SLC16A7: variants seen among roughly 807,000 people sequenced by gnomAD.
SLC16A7 encodes the protein solute carrier family 16 member 7.
SLC16A7 carries 33 observed loss-of-function variants against 34.9 expected under a neutral mutation model. The observed-to-expected ratio is 0.94, with a 90% CI of 0.72 to 1.26. The LOEUF (loss-of-function observed/expected upper bound fraction) is 1.26, where lower values mean the gene tolerates loss of function less well. Ranked by LOEUF, SLC16A7 falls within the 50% of genes most tolerant of loss-of-function variation. The pLI, the probability that SLC16A7 is intolerant of heterozygous loss-of-function variation, is 0.00. For missense variants in SLC16A7, 573 were observed against 578.1 expected (o/e 0.99, Z 0.09); for synonymous variants, 201 against 206.6 (o/e 0.97, Z 0.23).
At chr12:59,612,920 A>C (rs1253051628) in intron 1 of SLC16A7, among the ~76,000 whole-genome samples, 1 of 152,136 alleles carries the variant, frequency 6.6e-6, no homozygotes, top group Non-Finnish European at 1.5e-5. Context: ...ACTTTCCTAC[A>C]TCTCCCTGTC....
intron 1 of SLC16A7, among the ~76,000 whole-genome samples, chr12:59,632,027 G>T (rs1880206726): frequency 6.6e-6 from 1 of 151,868 alleles, no homozygotes; most frequent in Non-Finnish European, 1.5e-5. Context: ...ATGAGAATTT[G>T]TTTGTCCTGA....
chr12:59,764,255 CCTAA>C (rs1442842711), intron 3 of SLC16A7, among the ~76,000 whole-genome samples: 13 of 152,098 alleles, frequency 8.5e-5, no homozygotes, highest in African/African-American at 1.4e-4. Context: ...AGAGCAGGGC[CCTAA>C]CTGTCTTCAA....
At chr12:59,719,392 G>T (rs747307042) in intron 3 of SLC16A7, among the ~76,000 whole-genome samples, 5 of 152,050 alleles carry the variant, frequency 3.3e-5, no homozygotes, top group Non-Finnish European at 7.4e-5. Flanking sequence ...TATTGGAATT[G>T]CAGTGGGAAA....
Position 59,697,738 on chromosome 12 carries a change from A to G in SLC16A7, c.-30-7034A>G, listed in dbSNP as rs554100653. 1.4e-3 allele frequency among the ~76,000 whole-genome samples: 211 copies of G among 151,886 alleles called. 1 individual carries two copies. The highest frequency in any genetic ancestry group is 6.8e-3 in the Middle Eastern group (2 of 294). Reference sequence around the variant, plus strand: ...TTAAAAAAAAAAAAAGTCTGCCTCAAACAAACATATATGGGCCTAACATTT... The same window carrying G: ...TTAAAAAAAAAAAAAGTCTGCCTCAGACAAACATATATGGGCCTAACATTT... On this transcript the variant is annotated intron_variant, in intron 2 of 5. Transcript: ENST00000547379.
intron 3 of SLC16A7, among the ~76,000 whole-genome samples, chr12:59,737,080 G>C (rs2137265605): frequency 6.6e-6 from 1 of 152,320 alleles, no homozygotes; most frequent in Non-Finnish European, 1.5e-5. Context: ...TCAAGACTCA[G>C]ATAACATCTG....
At chr12:59,709,562 C>G (rs1427822358) in intron 3 of SLC16A7, among the ~76,000 whole-genome samples, 1 of 151,514 alleles carries the variant, frequency 6.6e-6, no homozygotes, top group East Asian at 1.9e-4. Context: ...ATAATTCATG[C>G]TGTGCAATAT....
intron 2 of SLC16A7, among the ~76,000 whole-genome samples, chr12:59,701,057 A>C (rs1592527027): frequency 6.6e-6 from 1 of 151,806 alleles, no homozygotes; most frequent in African/African-American, 2.4e-5. Flanking sequence ...TAAATGTAAT[A>C]AAAGACATGT....
intron 1 of SLC16A7, among the ~76,000 whole-genome samples, chr12:59,627,850 T>C (rs1245935763): frequency 1.3e-5 from 2 of 151,118 alleles, no homozygotes; most frequent in East Asian, 3.9e-4. Flanking sequence ...TTACCAGCAG[T>C]CCTGTGTGAC....
intron 2 of SLC16A7, among the ~76,000 whole-genome samples, chr12:59,693,358 A>G (rs1156852414): frequency 2.0e-5 from 3 of 151,952 alleles, no homozygotes; most frequent in Non-Finnish European, 4.4e-5. Flanking sequence ...TAAATAAAGG[A>G]ACATTCTAAT....
chr12:59,752,568 A>G (rs1400865087), intron 3 of SLC16A7, among the ~76,000 whole-genome samples: 1 of 151,962 alleles, frequency 6.6e-6, no homozygotes, highest in Non-Finnish European at 1.5e-5. Context: ...AAGAATAAAA[A>G]GAAAGGAGCA....
At chr12:59,708,232 A>G (rs1460673095) in intron 3 of SLC16A7, among the ~76,000 whole-genome samples, 2 of 152,100 alleles carry the variant, frequency 1.3e-5, no homozygotes, top group Non-Finnish European at 2.9e-5. Context: ...TCTTTCTTCA[A>G]CTGTGGTCTA....
At chr12:59,601,228 C>G (rs1255314029) in intron 1 of SLC16A7, among the ~76,000 whole-genome samples, 4 of 152,072 alleles carry the variant, frequency 2.6e-5, no homozygotes, top group Non-Finnish European at 4.4e-5. Flanking sequence ...TAGTCAATAC[C>G]TCTAATCAGA....
rs1245184420 is a variant in SLC16A7 at position 59,783,456 on chromosome 12, TC to T, written c.*3781del. On this transcript the variant is annotated 3_prime_UTR_variant, in exon 6 of 6. Coordinates refer to ENST00000547379, the MANE Select transcript of SLC16A7 (RefSeq NM_001270623.2). ...ACTCAGGTTTACGTAACCAGAAAGA[TC>T]CCCGAGGTGTTCACTACCGTGCTGC... 2.0e-5 allele frequency: 3 copies of T among 151,950 alleles called. No individual in the cohort carries two copies. Among genetic ancestry groups the T allele is most frequent in the South Asian group, 2.1e-4 (1 of 4,818 alleles). The allele number at this position is 151,950 out of a possible 1,614,324, so 9.4% of individuals were successfully genotyped here.
chr12:59,628,624 A>G (rs998296461), intron 1 of SLC16A7, among the ~76,000 whole-genome samples: 2 of 151,658 alleles, frequency 1.3e-5, no homozygotes, highest in African/African-American at 2.4e-5. Context: ...GAGGGAAAAA[A>G]CACATCATAT....
Position 59,775,008 on chromosome 12 carries a change from A to C in SLC16A7, c.713A>C (p.Asp238Ala). 6.2e-7 allele frequency: 1 copy of C among 1,613,798 alleles called. No homozygotes were observed. The highest frequency in any genetic ancestry group is 8.5e-7 in the Non-Finnish European group (1 of 1,179,788). The change falls in exon 5 of 6, where the codon GAT (aspartate) becomes GCT (alanine). Residue 238 changes from aspartate (D) to alanine (A), a missense_variant. Physicochemically the swap from Asp to Ala is moderately radical, Grantham distance 126 (BLOSUM62 -2). Coordinates refer to ENST00000547379, the MANE Select transcript of SLC16A7 (RefSeq NM_001270623.2). ...STWEKVNKYL[D>A]FSLFKHRGFL... ...TGGGAAAAAGTTAATAAGTATTTAG[A>C]TTTCTCCCTTTTTAAGCATAGAGGA...
intron 2 of SLC16A7, among the ~76,000 whole-genome samples, chr12:59,696,827 A>T (rs1034566819): frequency 3.3e-5 from 5 of 151,968 alleles, no homozygotes; most frequent in African/African-American, 1.2e-4. Flanking sequence ...AGAAAAACAA[A>T]ATAAGTAGTA....
intron 3 of SLC16A7, among the ~76,000 whole-genome samples, chr12:59,730,190 CT>C (rs1876768792): frequency 7.1e-6 from 1 of 141,090 alleles, no homozygotes; most frequent in Non-Finnish European, 1.5e-5. Flanking sequence ...TTGCAGGGTT[CT>C]TTAGGATTCC....
At chr12:59,673,255 G>T (rs900779072) in intron 2 of SLC16A7, among the ~76,000 whole-genome samples, 9 of 152,074 alleles carry the variant, frequency 5.9e-5, no homozygotes, top group African/African-American at 2.2e-4. Context: ...TAGAACATTT[G>T]CTGAAATTGA....
chr12:59,686,099 T>TC (rs1323698843), intron 2 of SLC16A7, among the ~76,000 whole-genome samples: 24 of 147,098 alleles, frequency 1.6e-4, no homozygotes, highest in Non-Finnish European at 1.8e-4. Flanking sequence ...ACTTTTCTTT[T>TC]TTTTTTTTTT....
Sources: allele counts gnomAD v4.1 joint callset (sites outside exome capture counted in the v4.1 genomes callset), GRCh38; gene constraint gnomAD v4.1.1; transcripts MANE v1.5; gene names NCBI Gene and HGNC (gene_info 2026-07-23, HGNC 2026-07-21).